Variants in ZNF577 observed in about 807,000 individuals in gnomAD.
ZNF577 encodes zinc finger protein 577.
A neutral mutation model predicts 13.9 loss-of-function variants in ZNF577; 14 were observed. The observed-to-expected ratio is 1.00, with a 90% CI of 0.66 to 1.57. ZNF577 has a LOEUF of 1.57. ZNF577 is among the 40% of genes most tolerant of loss of function. ZNF577 has a pLI of 0.00. For synonymous variants in ZNF577, 203 were observed against 202.9 expected, an observed-to-expected ratio of 1.00 and a Z score of 0.00; for missense variants, 555 against 579.2, an observed-to-expected ratio of 0.96 and a Z score of 0.43.
At chr19:51,877,658 C>G (rs1467534295) in intron 4 of ZNF577, 7 of 283,148 alleles carry the variant, frequency 2.5e-5, no homozygotes, top group Non-Finnish European at 4.0e-5. Flanking sequence ...ACCCTGTGTA[C>G]TCTTGGTGGG....
intron 1 of ZNF577, among the ~76,000 whole-genome samples, chr19:51,885,205 C>A (rs78649879): frequency 6.6e-6 from 1 of 152,156 alleles, no homozygotes; most frequent in Non-Finnish European, 1.5e-5. Context: ...AATGTTTTAT[C>A]AGAACACAGC....
chr19:51,864,062 A>G (rs1200864050), downstream of ZNF577, among the ~76,000 whole-genome samples: 2 of 152,194 alleles, frequency 1.3e-5, no homozygotes, highest in South Asian at 4.1e-4. Context: ...ACATGTCCTG[A>G]TTTCCAATTT....
chr19:51,827,816 T>C (rs574338229), intron 9 of ZNF577, among the ~76,000 whole-genome samples: 1 of 152,226 alleles, frequency 6.6e-6, no homozygotes, highest in African/African-American at 2.4e-5. Context: ...AATTCTGTAT[T>C]GTGAACATAC....
rs138947637 is a variant in ZNF577, at chr19:51,820,021, C to A, written c.*600-8347G>T. ...GTCTTTATTCACAATAGCAAGGGCA[C>A]GTAAATTGAGGGTTAGGAAAGAAAA... On this transcript the variant is annotated intron_variant and NMD_transcript_variant, in intron 9 of 10. Coordinates refer to the ZNF577 transcript ENST00000638827. Among the ~76,000 whole-genome samples the A allele has an allele frequency of 9.7e-3, 1,467 of 151,912 alleles. 15 individuals are homozygous for A. The highest frequency in any genetic ancestry group is 0.018 in the Admixed American group (279 of 15,254).
chr19:51,813,174 T>C (rs2084110393), intron 9 of ZNF577, among the ~76,000 whole-genome samples: 2 of 150,466 alleles, frequency 1.3e-5, no homozygotes, highest in African/African-American at 2.4e-5. Flanking sequence ...CATAAATTTA[T>C]TGATCACAGT....
chr19:51,872,730 T>C lies in ZNF577; in HGVS notation c.1260A>G (p.Ser420=). ...VNTVPIEMPS[S]GTPPLLNKSE... ...TCTTGTTTAACAATGGCGGGGTTCCTGAGGAAGGCATTTCTATAGGTACTG... is the reference window on the plus strand; with the variant it reads ...TCTTGTTTAACAATGGCGGGGTTCCCGAGGAAGGCATTTCTATAGGTACTG... Residue 420 remains serine (S), a synonymous_variant, in exon 6 of 6, where the codon TCA becomes TCG. Transcript: ENST00000638348. 1 of 1,614,212 alleles carries C rather than the reference T, an allele frequency of 6.2e-7. No individual in the cohort carries two copies. Among genetic ancestry groups the C allele is most frequent in the Non-Finnish European group, 8.5e-7 (1 of 1,180,030 alleles).
intron 1 of ZNF577, among the ~76,000 whole-genome samples, chr19:51,885,464 G>T (rs965518720): frequency 6.6e-6 from 1 of 152,086 alleles, no homozygotes; most frequent in African/African-American, 2.4e-5. Context: ...GTTTCTCCTT[G>T]TGTCTAGCAT....
At chr19:51,813,782 C>T (rs538509048) in intron 9 of ZNF577, among the ~76,000 whole-genome samples, 194 of 152,338 alleles carry the variant, frequency 1.3e-3, no homozygotes, top group African/African-American at 4.4e-3. Context: ...GATCCACCCA[C>T]CTCGGCCTCC....
intron 9 of ZNF577, among the ~76,000 whole-genome samples, chr19:51,837,553 T>C (rs1281937329): frequency 6.6e-6 from 1 of 152,234 alleles, no homozygotes; most frequent in African/African-American, 2.4e-5. Context: ...AATTCACATT[T>C]GTTCACAACA....
chr19:51,847,882 G>A (rs1323926767), intron 5 of ZNF577, among the ~76,000 whole-genome samples: 1 of 152,164 alleles, frequency 6.6e-6, no homozygotes, highest in Admixed American at 6.5e-5. Context: ...TGGGCTGGAT[G>A]GCCAGGCTTT....
chr19:51,868,714 GGAAA>G lies in ZNF577; in HGVS notation c.*3814_*3817del, dbSNP rs1436182103. On this transcript the variant is annotated 3_prime_UTR_variant, in exon 6 of 6. Transcript: ENST00000638348. ...GATAGAATTCACTCATGTGTGTGGGGGAAAGAAAGATAGATCAGACTGCTACTGT... is the reference window on the plus strand; with the variant it reads ...GATAGAATTCACTCATGTGTGTGGGGGAAAGATAGATCAGACTGCTACTGT... Among the ~76,000 whole-genome samples the G allele has an allele frequency of 6.6e-6, 1 of 152,118 alleles. No individual in the cohort carries two copies. The highest frequency in any genetic ancestry group is 1.5e-5 in the Non-Finnish European group (1 of 68,042).
Position 51,873,409 on chromosome 19 carries a change from G to C in ZNF577, c.581C>G (p.Thr194Arg). The C allele has an allele frequency of 6.2e-7, 1 of 1,614,172 alleles. No homozygotes were observed. The highest frequency in any genetic ancestry group is 8.5e-7 in the Non-Finnish European group (1 of 1,180,032). ...AGTGAGCTGAATCTTCCTCATGAAT[G>C]TTTTCCCACATTCACCACATCCATG... Reference protein sequence around the residue: ...KPHGCGECGKTFMRKIQLTEH... With the variant: ...KPHGCGECGKRFMRKIQLTEH... The change falls in exon 6 of 6, where the codon ACA becomes AGA. Residue 194 changes from threonine to arginine, a missense_variant. Coordinates refer to ENST00000638348, the MANE Select transcript of ZNF577 (RefSeq NM_001370449.1).
chr19:51,840,108 T>C (rs1488148502), exon 9 of ZNF577: 1 of 152,184 alleles, frequency 6.6e-6, no homozygotes, highest in Non-Finnish European at 1.5e-5. Context: ...GGCGACTAAA[T>C]TCCATCGTGC....
intron 10 of ZNF577, among the ~76,000 whole-genome samples, chr19:51,809,772 T>C: frequency 6.6e-6 from 1 of 152,174 alleles, no homozygotes; most frequent in East Asian, 1.9e-4. Flanking sequence ...CCAACTAACA[T>C]TACCCATTCT....
At chr19:51,852,623 G>GA (rs2084384551) in intron 5 of ZNF577, among the ~76,000 whole-genome samples, 1 of 152,196 alleles carries the variant, frequency 6.6e-6, no homozygotes, top group Non-Finnish European at 1.5e-5. Flanking sequence ...CTAGAGAAGT[G>GA]AAACTGGCTG....
intron 9 of ZNF577, among the ~76,000 whole-genome samples, chr19:51,836,359 T>C (rs900516803): frequency 1.6e-5 from 2 of 127,628 alleles, no homozygotes; most frequent in African/African-American, 3.0e-5. Context: ...ATCTTACCAT[T>C]CAAATAAATG....
intron 5 of ZNF577, among the ~76,000 whole-genome samples, chr19:51,850,811 A>G (rs2084375467): frequency 6.6e-6 from 1 of 152,218 alleles, no homozygotes; most frequent in Non-Finnish European, 1.5e-5. Flanking sequence ...TTGCACCATA[A>G]TCATGGTGGT....
At chr19:51,810,761 C>T (rs1050038599) in intron 10 of ZNF577, among the ~76,000 whole-genome samples, 3 of 152,174 alleles carry the variant, frequency 2.0e-5, no homozygotes, top group Admixed American at 6.5e-5. Flanking sequence ...TAAGGTCAAC[C>T]GGCTCTGTAT....
chr19:51,857,783 C>T (rs951789281), intron 5 of ZNF577, among the ~76,000 whole-genome samples: 1 of 152,164 alleles, frequency 6.6e-6, no homozygotes, highest in African/African-American at 2.4e-5. Context: ...CACACGCACA[C>T]ACACAAAACT....
Sources: gnomAD v4.1 joint callset for allele counts (sites outside exome capture counted in the v4.1 genomes callset) on GRCh38, gnomAD v4.1.1 for gene constraint, MANE v1.5 for transcripts, NCBI Gene and HGNC (gene_info 2026-07-23, HGNC 2026-07-21) for gene names.